RNLS: variants seen among roughly 807,000 people sequenced by gnomAD.
RNLS encodes renalase, FAD dependent amine oxidase.
In RNLS, 39 loss-of-function variants were observed where a neutral mutation model predicts 39.8. That is an observed-to-expected ratio of 0.98 (90% CI 0.76 to 1.28). The LOEUF (loss-of-function observed/expected upper bound fraction) is 1.28, where lower values mean the gene tolerates loss of function less well. RNLS is among the 50% of genes most tolerant of loss of function. The pLI is 0.00. For missense variants in RNLS, 410 were observed against 413.3 expected (o/e 0.99, Z 0.07); for synonymous variants, 147 against 150.7 (o/e 0.98, Z 0.18).
At chr10:88,189,543 G>A in the RNLS span, among the ~76,000 whole-genome samples, 1 of 152,148 alleles carries the variant, frequency 6.6e-6, no homozygotes, top group Admixed American at 6.5e-5. Context: ...GGAAGATAGG[G>A]AGGAAAGAAG....
the RNLS span, among the ~76,000 whole-genome samples, chr10:88,231,090 A>C: frequency 2.0e-5 from 3 of 152,320 alleles, no homozygotes; most frequent in African/African-American, 7.2e-5. Flanking sequence ...TTAATCATAT[A>C]GCATTTTCTT....
chr10:88,466,263 C>T (rs4934413), intron 4 of RNLS, among the ~76,000 whole-genome samples: 11,154 of 152,024 alleles, frequency 0.073, 571 homozygotes, highest in Admixed American at 0.14. Flanking sequence ...AAGTCCCACA[C>T]CAATAAGCAA....
chr10:88,325,582 C>T (rs1846541962), intron 5 of RNLS, among the ~76,000 whole-genome samples: 1 of 152,212 alleles, frequency 6.6e-6, no homozygotes, highest in Non-Finnish European at 1.5e-5. Context: ...AGCACTGTAG[C>T]TGCCTCAGAT....
chr10:88,456,436 A>G (rs1842631824), intron 4 of RNLS, among the ~76,000 whole-genome samples: 1 of 152,102 alleles, frequency 6.6e-6, no homozygotes, highest in South Asian at 2.1e-4. Flanking sequence ...AGTATGAGAA[A>G]ATGTTAGAAA....
chr10:88,321,872 A>C (rs142538145), intron 5 of RNLS, among the ~76,000 whole-genome samples: 2 of 152,362 alleles, frequency 1.3e-5, no homozygotes, highest in East Asian at 1.9e-4. Context: ...AAATTCTACC[A>C]GACTTACAAA....
chr10:88,247,806 T>C, the RNLS span, among the ~76,000 whole-genome samples: 2 of 152,174 alleles, frequency 1.3e-5, no homozygotes, highest in African/African-American at 4.8e-5. Context: ...CCTTTAAATG[T>C]TGAAGAGAGA....
the RNLS span, among the ~76,000 whole-genome samples, chr10:88,198,998 C>G: frequency 1.3e-5 from 2 of 152,162 alleles, no homozygotes; most frequent in African/African-American, 2.4e-5. Flanking sequence ...TGCACTCATT[C>G]CACCATTTTG....
intron 4 of RNLS, among the ~76,000 whole-genome samples, chr10:88,560,812 A>G (rs987660905): frequency 1.3e-5 from 2 of 152,036 alleles, no homozygotes; most frequent in African/African-American, 4.8e-5. Flanking sequence ...CACCACACAT[A>G]TGGTCTACAT....
chr10:88,563,371 T>C (rs1000868566), intron 4 of RNLS, among the ~76,000 whole-genome samples: 1 of 152,192 alleles, frequency 6.6e-6, no homozygotes, highest in Non-Finnish European at 1.5e-5. Flanking sequence ...AGCCACACTT[T>C]GTTATACTGT....
intron 4 of RNLS, among the ~76,000 whole-genome samples, chr10:88,554,629 T>C (rs1848762121): frequency 1.3e-5 from 2 of 151,918 alleles, no homozygotes; most frequent in Non-Finnish European, 2.9e-5. Flanking sequence ...AGAAGAGGAC[T>C]TCCACAGGCC....
chr10:88,364,476 T>A (rs1444142674), intron 4 of RNLS, among the ~76,000 whole-genome samples: 1 of 152,150 alleles, frequency 6.6e-6, no homozygotes, highest in Non-Finnish European at 1.5e-5. Flanking sequence ...TTCAGATTGG[T>A]TAACTAACCT....
chr10:88,409,652 A>G (rs904520917), intron 4 of RNLS, among the ~76,000 whole-genome samples: 1 of 152,134 alleles, frequency 6.6e-6, no homozygotes, highest in Non-Finnish European at 1.5e-5. Flanking sequence ...TGTGCTCATA[A>G]AATGCCAGTC....
In RNLS at chr10:88,583,107, C is replaced by G; in HGVS notation, c.84G>C (p.Leu28Phe). The stretch of plus-strand genomic sequence containing the variant: ...CAGCCTTGTCCCACACAGCAAGGTA[C>G]AAGGGACCGGACGTCTGCCTCCTCA... Reference protein sequence around the residue: ...ALLRRQTSGPLYLAVWDKAED... With the variant: ...ALLRRQTSGPFYLAVWDKAED... The change falls in exon 1 of 7, where the codon TTG becomes TTC. Residue 28 changes from leucine (L) to phenylalanine (F), a missense_variant. Transcript: ENST00000331772. 1 of 1,614,142 alleles carries G rather than the reference C, an allele frequency of 6.2e-7. No individual in the cohort carries two copies. The highest frequency in any genetic ancestry group is 8.5e-7 in the Non-Finnish European group (1 of 1,179,972).
the RNLS span, among the ~76,000 whole-genome samples, chr10:88,177,820 C>T: frequency 1.3e-5 from 2 of 152,160 alleles, no homozygotes; most frequent in African/African-American, 2.4e-5. Flanking sequence ...GCAGTAGTCT[C>T]CATATGATTT....
intron 4 of RNLS, among the ~76,000 whole-genome samples, chr10:88,571,908 T>A (rs1333297672): frequency 6.6e-6 from 1 of 152,190 alleles, no homozygotes; most frequent in East Asian, 1.9e-4. Context: ...ATCCCCAGCA[T>A]TTCTGGCAGT....
the RNLS span, among the ~76,000 whole-genome samples, chr10:88,219,376 T>A: frequency 6.6e-6 from 1 of 152,210 alleles, no homozygotes; most frequent in Non-Finnish European, 1.5e-5. Flanking sequence ...ATATCTTTCA[T>A]CAATAGAATT....
chr10:88,360,483 G>T (rs886942655), intron 5 of RNLS, among the ~76,000 whole-genome samples: 2 of 152,170 alleles, frequency 1.3e-5, no homozygotes, highest in Non-Finnish European at 2.9e-5. Flanking sequence ...CACCCAGGCT[G>T]GTGTGCAGTG....
chr10:88,546,499 G>A (rs1396486169), intron 4 of RNLS, among the ~76,000 whole-genome samples: 1 of 152,104 alleles, frequency 6.6e-6, no homozygotes, highest in African/African-American at 2.4e-5. Flanking sequence ...TGAGAATTAA[G>A]TCAGAGAATT....
At chr10:88,431,357 T>C (rs571617795) in intron 4 of RNLS, among the ~76,000 whole-genome samples, 8 of 151,800 alleles carry the variant, frequency 5.3e-5, no homozygotes, top group Admixed American at 4.6e-4. Flanking sequence ...GCAATTTGTG[T>C]CTCTTATTTT....
Sources: gnomAD v4.1 joint callset for allele counts (sites outside exome capture counted in the v4.1 genomes callset) on GRCh38, gnomAD v4.1.1 for gene constraint, MANE v1.5 for transcripts, NCBI Gene and HGNC (gene_info 2026-07-23, HGNC 2026-07-21) for gene names.